Variants in DHRSX observed in about 807,000 individuals in gnomAD.
DHRSX encodes the protein dehydrogenase/reductase X-linked, also known as polyprenol dehydrogenase.
A neutral mutation model predicts 34.0 loss-of-function variants in DHRSX; 31 were observed. The observed-to-expected ratio is 0.91, with a 90% CI of 0.69 to 1.23. The LOEUF (loss-of-function observed/expected upper bound fraction) is 1.23. DHRSX is among the 50% of genes most tolerant of loss of function. The pLI is 0.00. For missense variants in DHRSX, 414 were observed against 428.1 expected (o/e 0.97, Z 0.29); for synonymous variants, 201 against 183.8 (o/e 1.09, Z -0.76).
At chrX:2,312,878 T>G (rs774602507) in intron 3 of DHRSX, among the ~76,000 whole-genome samples, 1 of 152,272 alleles carries the variant, frequency 6.6e-6, no homozygotes, top group Admixed American at 6.6e-5. Context: ...AGATCCAATG[T>G]GCTTTTACTG....
intron 3 of DHRSX, among the ~76,000 whole-genome samples, chrX:2,357,056 C>T (rs2042863210): frequency 1.3e-5 from 2 of 151,986 alleles, no homozygotes; most frequent in African/African-American, 4.8e-5. Flanking sequence ...CCAGCCTGAC[C>T]AAGATGGTAA....
chrX:2,500,962 C>T lies in DHRSX; in HGVS notation c.-37G>A. 1 of 997,390 alleles carries T rather than the reference C, an allele frequency of 1.0e-6. No individual in the cohort carries two copies. The highest frequency in any genetic ancestry group is 1.2e-6 in the Non-Finnish European group (1 of 832,718). The allele number at this position is 997,390 out of a possible 1,614,324, so 61.8% of individuals were successfully genotyped here. On this transcript the variant is annotated 5_prime_UTR_variant, in exon 1 of 7. Transcript: ENST00000334651. Reference sequence around the variant, plus strand: ...CCGCGCCGCCGCCGCTTCCGCGCCGCCCGCGGGACTCTGCGCCCGCCCGCC... The same window carrying T: ...CCGCGCCGCCGCCGCTTCCGCGCCGTCCGCGGGACTCTGCGCCCGCCCGCC...
chrX:2,226,463 C>T (rs1366963955), intron 6 of DHRSX, among the ~76,000 whole-genome samples: 1 of 152,118 alleles, frequency 6.6e-6, no homozygotes, highest in East Asian at 1.9e-4. Context: ...ATGCCACGTT[C>T]TGCAAAGCAG....
intron 3 of DHRSX, among the ~76,000 whole-genome samples, chrX:2,403,838 A>G (rs2043519642): frequency 6.6e-6 from 1 of 151,554 alleles, no homozygotes; most frequent in Admixed American, 6.6e-5. Flanking sequence ...CGTGGGCAAC[A>G]AGAGTGAAAC....
At chrX:2,482,553 T>C (rs867436397) in intron 1 of DHRSX, among the ~76,000 whole-genome samples, 17 of 152,248 alleles carry the variant, frequency 1.1e-4, no homozygotes, top group Middle Eastern at 3.4e-3. Flanking sequence ...GTGTGAGCCA[T>C]TGTGCCCGGT....
rs193062989 is a variant in DHRSX at position 2,262,388 on chromosome X, G to A, written c.596+4352C>T. ...CTCACCTGTGCACACGAGCACTCAC[G>A]CACCTTATCTGTGCACACTGGCACG... On this transcript the variant is annotated intron_variant, in intron 5 of 6. Coordinates refer to ENST00000334651, the MANE Select transcript of DHRSX (RefSeq NM_145177.3). 5.2e-3 allele frequency among the ~76,000 whole-genome samples: 794 copies of A among 151,760 alleles called. 7 individuals carry two copies. Among genetic ancestry groups the A allele is most frequent in the South Asian group, 0.027 (130 of 4,796 alleles).
chrX:2,476,288 C>T (rs1351055766), intron 1 of DHRSX, among the ~76,000 whole-genome samples: 2 of 151,968 alleles, frequency 1.3e-5, no homozygotes, highest in Non-Finnish European at 2.9e-5. Context: ...ATCCCAGCTA[C>T]TCCAGAGGCT....
rs182036678 is a variant in DHRSX, at chrX:2,369,241, T to C, written c.286+39504A>G. Among the ~76,000 whole-genome samples, 23 of 152,262 alleles carry C rather than the reference T, an allele frequency of 1.5e-4. No homozygotes were observed. In the East Asian group the frequency reaches 3.5e-3, roughly 23 times the overall value. On this transcript the variant is annotated intron_variant, in intron 3 of 6. Coordinates refer to ENST00000334651, the MANE Select transcript of DHRSX (RefSeq NM_145177.3). The stretch of plus-strand genomic sequence containing the variant: ...GCTGATGTGGAAATAACACAAGAAA[T>C]CTTGTCTGAAGATGGGTGATACCAA...
At chrX:2,451,978 G>A (rs1569502843) in intron 1 of DHRSX, among the ~76,000 whole-genome samples, 1 of 152,054 alleles carries the variant, frequency 6.6e-6, no homozygotes, top group Non-Finnish European at 1.5e-5. Flanking sequence ...TGTGGCTAAG[G>A]CACCACTGCC....
intron 5 of DHRSX, among the ~76,000 whole-genome samples, chrX:2,265,118 G>A (rs2041430958): frequency 1.4e-5 from 2 of 142,026 alleles, no homozygotes; most frequent in Non-Finnish European, 3.1e-5. Flanking sequence ...GAGCACCAGT[G>A]CTCAGCAGAC....
chrX:2,245,918 T>C (rs1389811536), intron 5 of DHRSX, among the ~76,000 whole-genome samples: 6 of 141,084 alleles, frequency 4.3e-5, no homozygotes, highest in Non-Finnish European at 7.5e-5. Flanking sequence ...GCTGAGATTG[T>C]ACCACTGCAC....
intron 1 of DHRSX, among the ~76,000 whole-genome samples, chrX:2,469,385 T>G (rs993394456): frequency 8.2e-6 from 1 of 122,392 alleles, no homozygotes; most frequent in African/African-American, 3.2e-5. Context: ...CCGCCATGTA[T>G]ACATTGAAGA....
At chrX:2,296,134 C>T (rs2041929289) in intron 3 of DHRSX, among the ~76,000 whole-genome samples, 1 of 152,140 alleles carries the variant, frequency 6.6e-6, no homozygotes, top group African/African-American at 2.4e-5. Context: ...CTTGCATGAC[C>T]AGTATGTTTT....
intron 6 of DHRSX, among the ~76,000 whole-genome samples, chrX:2,233,628 T>C (rs1330934479): frequency 6.6e-6 from 1 of 152,106 alleles, no homozygotes; most frequent in African/African-American, 2.4e-5. Flanking sequence ...CTTCATTCAG[T>C]CCAATGAATG....
intron 6 of DHRSX, among the ~76,000 whole-genome samples, chrX:2,231,665 TTTTC>T (rs1293834100): frequency 1.3e-4 from 20 of 150,488 alleles, no homozygotes; most frequent in Admixed American, 1.3e-4. Context: ...TTTCTTCTTT[TTTTC>T]TTTCTCCTCT....
chrX:2,243,049 T>G lies in DHRSX; in HGVS notation c.778A>C (p.Lys260Gln). ...HVFWATRLAK[K>Q]LLGWLLFKTP... is the part of the protein sequence containing the mutation. ...TTGAAAAGCAACCAGCCGAGAAGCTTCTTCGCCAGACGGGTGGCCCAGAAC... is the reference window on the plus strand; with the variant it reads ...TTGAAAAGCAACCAGCCGAGAAGCTGCTTCGCCAGACGGGTGGCCCAGAAC... Residue 260 changes from lysine to glutamine, a missense_variant, in exon 6 of 7, where the codon AAG (lysine) becomes CAG (glutamine). Physicochemically the swap from Lys to Gln is moderately conservative, Grantham distance 53 (BLOSUM62 1). Coordinates refer to ENST00000334651, the MANE Select transcript of DHRSX (RefSeq NM_145177.3). 1 of 1,613,306 alleles carries G rather than the reference T, an allele frequency of 6.2e-7. No homozygotes were observed. Among genetic ancestry groups the G allele is most frequent in the Non-Finnish European group, 8.5e-7 (1 of 1,179,574 alleles).
chrX:2,392,180 T>C (rs1322710272), intron 3 of DHRSX, among the ~76,000 whole-genome samples: 2 of 152,134 alleles, frequency 1.3e-5, no homozygotes, highest in Non-Finnish European at 2.9e-5. Flanking sequence ...TGGAAATGGG[T>C]ATGACGGTCA....
chrX:2,373,888 C>T (rs1228391254), intron 3 of DHRSX, among the ~76,000 whole-genome samples: 1 of 152,000 alleles, frequency 6.6e-6, no homozygotes, highest in Non-Finnish European at 1.5e-5. Context: ...CAAAATAGGG[C>T]ACACAGGTGA....
Position 2,344,828 on chromosome X carries a change from C to T in DHRSX, c.287-53225G>A, listed in dbSNP as rs866433600. Among the ~76,000 whole-genome samples, 51 of 143,090 alleles carry T rather than the reference C, an allele frequency of 3.6e-4. 1 individual carries two copies. The highest frequency in any genetic ancestry group is 4.0e-3 in the Middle Eastern group (1 of 248). 93.9% of individuals were successfully genotyped at this position (143,090 alleles called of 152,430 possible). ...TGTATACCTATGTAACAAACCTGCA[C>T]GTTCTGCACATGTACCCCAGAACTT... On this transcript the variant is annotated intron_variant, in intron 3 of 6. Coordinates refer to ENST00000334651, the MANE Select transcript of DHRSX (RefSeq NM_145177.3).
Sources: gnomAD v4.1 joint callset for allele counts (sites outside exome capture counted in the v4.1 genomes callset) on GRCh38, gnomAD v4.1.1 for gene constraint, MANE v1.5 for transcripts, NCBI Gene and HGNC (gene_info 2026-07-23, HGNC 2026-07-21) for gene names.